DLG2: variants seen among roughly 807,000 people sequenced by gnomAD.
DLG2 encodes the protein discs large MAGUK scaffold protein 2.
A neutral mutation model predicts 132.5 loss-of-function variants in DLG2; 45 were observed. The observed-to-expected ratio is 0.34, with a 90% CI of 0.27 to 0.44. The LOEUF (loss-of-function observed/expected upper bound fraction) is 0.44, where lower values mean the gene tolerates loss of function less well. Among genes scored for constraint, DLG2 ranks in the 20% least tolerant of loss-of-function variants. The pLI is 1.00. For missense variants in DLG2, 1,045 were observed against 1,196.9 expected (o/e 0.87, Z 1.87); for synonymous variants, 424 against 419.6 (o/e 1.01, Z -0.13).
intron 6 of DLG2, among the ~76,000 whole-genome samples, chr11:84,710,275 C>A (rs2060235988): frequency 6.6e-6 from 1 of 151,932 alleles, no homozygotes; most frequent in Admixed American, 6.6e-5. Flanking sequence ...GTCCCCAAGG[C>A]AGGAACTATT....
chr11:83,786,156 T>G (rs1168294967), intron 18 of DLG2, among the ~76,000 whole-genome samples: 2 of 152,240 alleles, frequency 1.3e-5, no homozygotes, highest in Non-Finnish European at 2.9e-5. Context: ...TTAAGTTGGC[T>G]AATCTAATTT....
chr11:85,382,079 T>TG (rs1341382275), intron 3 of DLG2, among the ~76,000 whole-genome samples: 4 of 152,136 alleles, frequency 2.6e-5, no homozygotes, highest in African/African-American at 9.6e-5. Context: ...AAAACAATCT[T>TG]GAAAAAGATG....
chr11:84,380,929 T>C (rs548741144), intron 7 of DLG2, among the ~76,000 whole-genome samples: 93 of 152,112 alleles, frequency 6.1e-4, no homozygotes, highest in African/African-American at 2.2e-3. Context: ...ATTAATGGAC[T>C]GTGATCCATG....
At chr11:84,750,903 C>T (rs1449559093) in intron 6 of DLG2, among the ~76,000 whole-genome samples, 2 of 152,084 alleles carry the variant, frequency 1.3e-5, no homozygotes, top group Non-Finnish European at 2.9e-5. Context: ...TAACACTTCC[C>T]AGTGGTTTCT....
chr11:84,135,710 A>G (rs1248855879), intron 9 of DLG2, among the ~76,000 whole-genome samples: 1 of 152,072 alleles, frequency 6.6e-6, no homozygotes, highest in Non-Finnish European at 1.5e-5. Context: ...GTGGTAAGAA[A>G]TGAGCTGGAA....
At chr11:85,489,883 G>A (rs2093517645) in intron 3 of DLG2, among the ~76,000 whole-genome samples, 1 of 44,880 alleles carries the variant, frequency 2.2e-5, no homozygotes, top group Non-Finnish European at 8.9e-5. Flanking sequence ...GAAAGGACAT[G>A]CAAAAAATGA....
At chr11:84,951,588 A>G (rs1159761802) in intron 6 of DLG2, among the ~76,000 whole-genome samples, 1 of 150,858 alleles carries the variant, frequency 6.6e-6, no homozygotes, top group East Asian at 1.9e-4. Context: ...TTTAATACAT[A>G]CATATATATA....
intron 19 of DLG2, among the ~76,000 whole-genome samples, chr11:83,627,675 C>T (rs573967058): frequency 7.9e-5 from 12 of 152,274 alleles, no homozygotes; most frequent in South Asian, 6.2e-4. Context: ...AATAAACATG[C>T]GTGTGCATGT....
chr11:83,879,782 CTCTT>C (rs1194334363), intron 15 of DLG2, among the ~76,000 whole-genome samples: 2 of 152,128 alleles, frequency 1.3e-5, no homozygotes, highest in East Asian at 3.8e-4. Flanking sequence ...CTTGGGATGA[CTCTT>C]TCATTCCTCA....
At chr11:84,631,332 A>G (rs901914803) in intron 6 of DLG2, among the ~76,000 whole-genome samples, 12 of 152,140 alleles carry the variant, frequency 7.9e-5, no homozygotes, top group African/African-American at 2.7e-4. Flanking sequence ...GAATGGACAT[A>G]AACCATAATT....
intron 7 of DLG2, among the ~76,000 whole-genome samples, chr11:84,298,503 C>A (rs577580419): frequency 6.6e-6 from 1 of 152,156 alleles, no homozygotes; most frequent in Non-Finnish European, 1.5e-5. Flanking sequence ...TTTAAAGATA[C>A]CACCCTTTCA....
At chr11:84,622,189 G>C (rs2099615169) in intron 6 of DLG2, among the ~76,000 whole-genome samples, 1 of 152,134 alleles carries the variant, frequency 6.6e-6, no homozygotes, top group African/African-American at 2.4e-5. Flanking sequence ...GGAATAGAAA[G>C]TGTCTTCCTT....
chr11:84,142,306 T>G, intron 9 of DLG2, among the ~76,000 whole-genome samples: 1 of 109,070 alleles, frequency 9.2e-6, no homozygotes, highest in African/African-American at 3.8e-5. Flanking sequence ...GGAGACAGAG[T>G]GAGAATCCAT....
intron 3 of DLG2, among the ~76,000 whole-genome samples, chr11:85,539,857 G>C (rs943447777): frequency 1.3e-5 from 2 of 152,136 alleles, no homozygotes; most frequent in Non-Finnish European, 2.9e-5. Flanking sequence ...TTTAGTCAAG[G>C]CACCTAAAAT....
chr11:84,758,848 C>T (rs751290188), intron 6 of DLG2, among the ~76,000 whole-genome samples: 3 of 152,098 alleles, frequency 2.0e-5, no homozygotes, highest in Non-Finnish European at 4.4e-5. Flanking sequence ...ACAAAATACA[C>T]AAGCAATTAA....
At chr11:84,815,027 G>C (rs566411590) in intron 6 of DLG2, among the ~76,000 whole-genome samples, 5 of 152,154 alleles carry the variant, frequency 3.3e-5, no homozygotes, top group Admixed American at 2.6e-4. Context: ...AAGAGGAAGA[G>C]GAGCATTAGG....
chr11:85,595,064 CAAAA>C (rs947518185), intron 3 of DLG2, among the ~76,000 whole-genome samples: 955 of 58,228 alleles, frequency 0.016, 6 homozygotes, highest in African/African-American at 0.049. Context: ...GACTCTGTCT[CAAAA>C]AAAAAAAAAA....
At chr11:85,318,866 T>C (rs559101066) in intron 3 of DLG2, among the ~76,000 whole-genome samples, 27 of 151,918 alleles carry the variant, frequency 1.8e-4, no homozygotes, top group Middle Eastern at 3.4e-3. Flanking sequence ...ATGACAACTA[T>C]GGATTCAAGG....
In DLG2 at chr11:84,999,297, A is replaced by G. The variant is rs1592445459; in HGVS notation, c.357+112364T>C. On this transcript the variant is annotated intron_variant, in intron 6 of 27. Transcript: ENST00000376104. Reference sequence around the variant, plus strand: ...GAAATCCTAAGAAATATTTTTACTCATTTTTTATTCTCTGCTTAGATTTCC... The same window carrying G: ...GAAATCCTAAGAAATATTTTTACTCGTTTTTTATTCTCTGCTTAGATTTCC... Among the ~76,000 whole-genome samples the G allele has an allele frequency of 7.2e-5, 11 of 152,066 alleles. No homozygotes were observed. In the South Asian group the frequency reaches 2.3e-3, roughly 31 times the overall value.
Sources: allele counts gnomAD v4.1 joint callset (sites outside exome capture counted in the v4.1 genomes callset), GRCh38; gene constraint gnomAD v4.1.1; transcripts MANE v1.5; gene names NCBI Gene and HGNC (gene_info 2026-07-23, HGNC 2026-07-21).